The following ZNF516 variants were observed in gnomAD, a reference collection of about 807,000 sequenced individuals.
ZNF516 encodes the protein zinc finger protein 516.
Under a neutral mutation model 79.7 loss-of-function variants are expected in ZNF516, and 19 were observed. That is an observed-to-expected ratio of 0.24 (90% CI 0.17 to 0.35). The LOEUF (loss-of-function observed/expected upper bound fraction) is 0.35. Ranked by LOEUF, ZNF516 falls within the 10% of genes least tolerant of loss-of-function variation. ZNF516 has a pLI of 1.00. For synonymous variants in ZNF516, 877 were observed against 739.5 expected (o/e 1.19, Z -3.02); for missense variants, 1,678 against 1,679.5 (o/e 1.00, Z 0.02).
At chr18:76,418,294 AAC>A (rs1007593841) in intron 3 of ZNF516, among the ~76,000 whole-genome samples, 12 of 152,108 alleles carry the variant, frequency 7.9e-5, no homozygotes, top group East Asian at 3.8e-4. Context: ...AACGCACTAT[AAC>A]ACACACGCTG....
intron 3 of ZNF516, among the ~76,000 whole-genome samples, chr18:76,391,956 C>T (rs907605357): frequency 2.0e-5 from 3 of 152,202 alleles, no homozygotes; most frequent in African/African-American, 7.2e-5. Context: ...GAACGTGACA[C>T]TCAAAGGGAG....
At chr18:76,488,364 T>C (rs1914953887) in intron 1 of ZNF516, 2 of 569,778 alleles carry the variant, frequency 3.5e-6, no homozygotes, top group African/African-American at 2.0e-5. Flanking sequence ...GGGATGCTAG[T>C]TAGGCAATAA....
intron 1 of ZNF516, among the ~76,000 whole-genome samples, chr18:76,473,409 G>A (rs7243070): frequency 0.033 from 4,794 of 146,224 alleles, 268 homozygotes; most frequent in African/African-American, 0.11. Flanking sequence ...CGGAAAAGCT[G>A]GACACGTAGA....
intron 3 of ZNF516, among the ~76,000 whole-genome samples, chr18:76,401,469 T>C (rs1274131836): frequency 6.6e-6 from 1 of 152,156 alleles, no homozygotes; most frequent in Non-Finnish European, 1.5e-5. Flanking sequence ...TTCAAAATTT[T>C]GAAAGCTAAG....
At chr18:76,484,497 C>T (rs1914716797) in intron 1 of ZNF516, among the ~76,000 whole-genome samples, 2 of 152,300 alleles carry the variant, frequency 1.3e-5, no homozygotes, top group South Asian at 2.1e-4. Flanking sequence ...TGGCGGCCGC[C>T]CTAACCCCGC....
At chr18:76,458,998 G>A (rs1912925979) in intron 2 of ZNF516, among the ~76,000 whole-genome samples, 1 of 152,054 alleles carries the variant, frequency 6.6e-6, no homozygotes, top group African/African-American at 2.4e-5. Flanking sequence ...GCCCGAGGGT[G>A]TGTGTGTGTG....
At chr18:76,468,596 T>C (rs962014803) in intron 1 of ZNF516, among the ~76,000 whole-genome samples, 1 of 151,950 alleles carries the variant, frequency 6.6e-6, no homozygotes, top group African/African-American at 2.4e-5. Flanking sequence ...TTTTTTCTAT[T>C]TTTTGTAGAG....
intron 3 of ZNF516, among the ~76,000 whole-genome samples, chr18:76,432,792 G>T (rs548156323): frequency 1.3e-5 from 2 of 152,312 alleles, no homozygotes; most frequent in Non-Finnish European, 2.9e-5. Flanking sequence ...CATGCCCAGG[G>T]TCACTCGATG....
Position 76,441,946 on chromosome 18 carries a change from T to C in ZNF516, c.1109A>G (p.Glu370Gly), listed in dbSNP as rs1391114765. The part of the protein sequence containing the change: ...VEASRTRAPA[E>G]EGAEGPSDTK... ...GTCCGAGGGCCCCTCCGCCCCCTCC[T>C]CGGCCGGGGCGCGCGTGCGGCTGGC... Residue 370 changes from glutamate (E) to glycine (G), a missense_variant, in exon 3 of 7, where the codon GAG (glutamate) becomes GGG (glycine). Glu to Gly is a moderately conservative substitution (Grantham distance 98). This residue lies in a region of ZNF516 where 1,294 missense variants were observed against 1,248.3 expected (regional missense o/e 1.04). Transcript: ENST00000443185. 4 of 1,610,206 alleles carry C rather than the reference T, an allele frequency of 2.5e-6. No homozygotes were observed. Among genetic ancestry groups the C allele is most frequent in the Non-Finnish European group, 3.4e-6 (4 of 1,179,082 alleles).
intron 1 of ZNF516, among the ~76,000 whole-genome samples, chr18:76,474,611 A>C (rs34306123): frequency 2.6e-3 from 392 of 152,360 alleles, no homozygotes; most frequent in Non-Finnish European, 4.7e-3. Context: ...AAAAATATTC[A>C]ATTCAACCAG....
chr18:76,429,820 C>A (rs2145444058), intron 3 of ZNF516, among the ~76,000 whole-genome samples: 1 of 152,316 alleles, frequency 6.6e-6, no homozygotes, highest in Admixed American at 6.5e-5. Context: ...ATCAAGGAAT[C>A]CAATGTCTGC....
intron 2 of ZNF516, among the ~76,000 whole-genome samples, chr18:76,448,631 C>T (rs1000918131): frequency 6.6e-6 from 1 of 152,184 alleles, no homozygotes; most frequent in Non-Finnish European, 1.5e-5. Flanking sequence ...CAGTCTCTGT[C>T]CACATCCCCG....
chr18:76,402,378 T>C (rs1267404941), intron 3 of ZNF516, among the ~76,000 whole-genome samples: 2 of 146,248 alleles, frequency 1.4e-5, no homozygotes, highest in African/African-American at 2.5e-5. Context: ...CCTTCAGCTT[T>C]ACCATCCTAA....
intron 3 of ZNF516, chr18:76,386,623 C>T (rs1192135902): frequency 6.6e-6 from 1 of 152,128 alleles, no homozygotes; most frequent in African/African-American, 2.4e-5. Flanking sequence ...TCTCACCTCC[C>T]AACCTACAAA....
chr18:76,380,591 G>A (rs1344746835), intron 3 of ZNF516, among the ~76,000 whole-genome samples: 1 of 152,166 alleles, frequency 6.6e-6, no homozygotes, highest in Admixed American at 6.5e-5. Flanking sequence ...GCTGTCCCTA[G>A]TTAACAGAGG....
intron 3 of ZNF516, among the ~76,000 whole-genome samples, chr18:76,400,200 CAG>C (rs2075200338): frequency 6.6e-6 from 1 of 152,106 alleles, no homozygotes; most frequent in Non-Finnish European, 1.5e-5. Flanking sequence ...GGGCAGAAGC[CAG>C]AGAGGGAAAA....
intron 1 of ZNF516, among the ~76,000 whole-genome samples, chr18:76,476,675 AG>A (rs1914191773): frequency 6.6e-6 from 1 of 152,238 alleles, no homozygotes. Flanking sequence ...GTTTTGTGTC[AG>A]TTTTCCACTA....
chr18:76,466,713 G>A (rs993370352), intron 1 of ZNF516, among the ~76,000 whole-genome samples: 1 of 152,220 alleles, frequency 6.6e-6, no homozygotes. Context: ...CACCCAGTGG[G>A]GACACGTGCC....
chr18:76,460,284 G>A (rs9967452), intron 2 of ZNF516, among the ~76,000 whole-genome samples: 3,123 of 152,234 alleles, frequency 0.021, 121 homozygotes, highest in African/African-American at 0.071. Context: ...AGACGAGGAC[G>A]CTGAGGGTCA....
Sources: gnomAD v4.1 joint callset for allele counts (sites outside exome capture counted in the v4.1 genomes callset) on GRCh38, gnomAD v4.1.1 for gene constraint, gnomAD v4.1.1 regional missense constraint, MANE v1.5 for transcripts, NCBI Gene and HGNC (gene_info 2026-07-23, HGNC 2026-07-21) for gene names.